Variants in PC observed in about 807,000 individuals in gnomAD.
PC encodes the protein pyruvate carboxylase, mitochondrial.
In PC, 46 loss-of-function variants were observed where a neutral mutation model predicts 107.8. The ratio of observed to expected loss-of-function variants is 0.43; its 90% CI spans 0.34 to 0.55. The LOEUF (loss-of-function observed/expected upper bound fraction) is 0.55, where lower values mean the gene tolerates loss of function less well. PC is among the 20% of genes least tolerant of loss of function. The pLI is 0.04. For synonymous variants in PC, 662 were observed against 684.7 expected, an observed-to-expected ratio of 0.97 and a Z score of 0.52; for missense variants, 1,241 against 1,643.1, an observed-to-expected ratio of 0.76 and a Z score of 4.23.
At position 66,871,932 on chromosome 11, in the gene PC, T is replaced by C; in HGVS notation, c.137-61A>G. 6.3e-7 allele frequency: 1 copy of C among 1,578,868 alleles called. No homozygotes were observed. The highest frequency in any genetic ancestry group is 1.4e-5 in the African/African-American group (1 of 74,028). On this transcript the variant is annotated intron_variant, in intron 4 of 22. Coordinates refer to ENST00000393960, the MANE Select transcript of PC (RefSeq NM_001040716.2). This position sits in a 1 kb window ranked among gnomAD's most constrained non-coding sequence, Gnocchi z 7.4. The stretch of plus-strand genomic sequence containing the variant: ...GTCCTAGGAGAAGCAGAAAGGGGAG[T>C]GGGAAGCCAGGGCCTGGGGCAGTGA...
At chr11:66,879,652 G>A (rs1947113892) in intron 3 of PC, among the ~76,000 whole-genome samples, 1 of 152,258 alleles carries the variant, frequency 6.6e-6, no homozygotes, top group Non-Finnish European at 1.5e-5. Flanking sequence ...CTGAGGCCTA[G>A]AAGCTGGCAT....
chr11:66,878,070 G>A (rs754052706), intron 3 of PC, among the ~76,000 whole-genome samples: 2 of 152,096 alleles, frequency 1.3e-5, no homozygotes, highest in African/African-American at 2.4e-5. Flanking sequence ...AAAGGCGAAG[G>A]GAGCTCCTGC....
intron 3 of PC, among the ~76,000 whole-genome samples, chr11:66,908,285 G>A (rs193111905): frequency 6.6e-6 from 1 of 152,060 alleles, no homozygotes; most frequent in Non-Finnish European, 1.5e-5. Flanking sequence ...CCTTCCTGCC[G>A]AGACCTCACT....
chr11:66,929,505 C>G (rs1359534730), intron 3 of PC, among the ~76,000 whole-genome samples: 1 of 151,934 alleles, frequency 6.6e-6, no homozygotes, highest in Non-Finnish European at 1.5e-5. Context: ...TAGCTGGGAC[C>G]ACAGGTGTAT....
intron 3 of PC, among the ~76,000 whole-genome samples, chr11:66,951,912 A>C (rs1463079374): frequency 6.6e-6 from 1 of 151,924 alleles, no homozygotes; most frequent in Non-Finnish European, 1.5e-5. Context: ...AAAAAAAAAA[A>C]CTTAGCCAGG....
intron 3 of PC, among the ~76,000 whole-genome samples, chr11:66,912,312 G>A (rs565116152): frequency 6.6e-6 from 1 of 152,202 alleles, no homozygotes; most frequent in Non-Finnish European, 1.5e-5. Flanking sequence ...AAATCCTTTT[G>A]ACTCACAGAC....
intron 3 of PC, among the ~76,000 whole-genome samples, chr11:66,910,258 T>C (rs913241818): frequency 1.3e-5 from 2 of 151,650 alleles, no homozygotes; most frequent in Non-Finnish European, 2.9e-5. Context: ...GGAGAACGAG[T>C]CGCTCTGTGC....
At chr11:66,873,462 A>G (rs1170415939) in intron 3 of PC, among the ~76,000 whole-genome samples, 1 of 84,224 alleles carries the variant, frequency 1.2e-5, no homozygotes, top group Non-Finnish European at 2.2e-5. Flanking sequence ...TAAAATATAT[A>G]TTATATATAA....
At chr11:66,940,154 T>C (rs1190940547) in intron 3 of PC, among the ~76,000 whole-genome samples, 1 of 151,572 alleles carries the variant, frequency 6.6e-6, no homozygotes, top group Non-Finnish European at 1.5e-5. Flanking sequence ...AAATCATGTA[T>C]CTGATAAGGG....
At chr11:66,948,575 C>CA (rs1949361281) in intron 3 of PC, among the ~76,000 whole-genome samples, 1 of 152,192 alleles carries the variant, frequency 6.6e-6, no homozygotes, top group African/African-American at 2.4e-5. Context: ...TAAAATGTAT[C>CA]ACGCCTGTAA....
chr11:66,886,113 G>A (rs370426659), intron 3 of PC, among the ~76,000 whole-genome samples: 6 of 151,998 alleles, frequency 3.9e-5, no homozygotes, highest in African/African-American at 2.4e-5. Flanking sequence ...CCACGCCTGC[G>A]TGGAGAGCAG....
At chr11:66,898,629 G>A (rs369028231) in intron 3 of PC, among the ~76,000 whole-genome samples, 18 of 152,280 alleles carry the variant, frequency 1.2e-4, no homozygotes, top group Admixed American at 7.2e-4. Context: ...GCAGTAAGCC[G>A]AGATTGCGCC....
chr11:66,850,881 C>T lies in PC; in HGVS notation c.2266G>A (p.Val756Ile). The T allele has an allele frequency of 6.2e-7, 1 of 1,611,102 alleles. No individual in the cohort carries two copies. Among genetic ancestry groups the T allele is most frequent in the Non-Finnish European group, 8.5e-7 (1 of 1,179,988 alleles). Residue 756 changes from valine to isoleucine, a missense_variant, in exon 18 of 23, where the codon GTC becomes ATC. This residue lies in a region of PC where 1,143 missense variants were observed against 1,551.9 expected (regional missense o/e 0.74). Coordinates refer to ENST00000393960, the MANE Select transcript of PC (RefSeq NM_001040716.2). ...LLKPTACTML[V>I]SSLRDRFPDL... Reference sequence around the variant, plus strand: ...GGGAAGCGGTCCCGGAGGGAGCTGACCAGCATGGTGCAGGCCGTGGGCTTC... The same window carrying T: ...GGGAAGCGGTCCCGGAGGGAGCTGATCAGCATGGTGCAGGCCGTGGGCTTC...
chr11:66,866,089 ACTGCCGGG>A lies in PC; in HGVS notation c.1185+90_1185+97del. On this transcript the variant is annotated intron_variant, in intron 11 of 22. Coordinates refer to ENST00000393960, the MANE Select transcript of PC (RefSeq NM_001040716.2). The surrounding 1 kb of genome is among the most constrained non-coding windows in gnomAD (Gnocchi z 5.4). ...AGAGCCCACATGCGGGTCCTCCCTA[ACTGCCGGG>A]CTGTGGCAACTTGGCACTGCAGCCC... The A allele has an allele frequency of 7.2e-7, 1 of 1,381,616 alleles. No individual in the cohort carries two copies. Among genetic ancestry groups the A allele is most frequent in the Non-Finnish European group, 1.0e-6 (1 of 999,264 alleles). 85.6% of individuals were successfully genotyped at this position (1,381,616 alleles called of 1,614,324 possible). A position where few individuals can be genotyped will look rare whatever the true frequency, so the allele number is the denominator to read the frequency against.
intron 3 of PC, among the ~76,000 whole-genome samples, chr11:66,943,365 T>C (rs987036681): frequency 2.0e-5 from 3 of 152,176 alleles, no homozygotes; most frequent in South Asian, 2.1e-4. Flanking sequence ...CAGCATGATT[T>C]GTGAGGAACA....
At position 66,871,165 on chromosome 11, in the gene PC, T is replaced by TGGGGGCATCTGTGCC; in HGVS notation, c.505_519dup (p.Gly169_Pro173dup). ...TCGTGGGCCTCATGCAGGGACGTGA[T>TGGGGGCATCTGTGCC]GGGGGCATCTGTGCCAGGGACAACG... On this transcript the variant is annotated inframe_insertion, in exon 7 of 23. Coordinates refer to ENST00000393960, the MANE Select transcript of PC (RefSeq NM_001040716.2). The surrounding 1 kb of genome is among the most constrained non-coding windows in gnomAD (Gnocchi z 7.4). 1 of 1,613,634 alleles carries TGGGGGCATCTGTGCC rather than the reference T, an allele frequency of 6.2e-7. No homozygotes were observed. The highest frequency in any genetic ancestry group is 8.5e-7 in the Non-Finnish European group (1 of 1,179,716).
chr11:66,864,533 C>CTTCCT (rs753180109), intron 11 of PC, among the ~76,000 whole-genome samples: 94 of 152,358 alleles, frequency 6.2e-4, no homozygotes, highest in Non-Finnish European at 1.0e-3. Context: ...CCCATGCTCC[C>CTTCCT]TTCCTTTCCT....
chr11:66,914,438 G>A (rs1480164037), intron 3 of PC, among the ~76,000 whole-genome samples: 1 of 151,848 alleles, frequency 6.6e-6, no homozygotes, highest in Non-Finnish European at 1.5e-5. Context: ...TTGAACCTGG[G>A]AGGCAGAGTT....
chr11:66,859,872 G>A, intron 12 of PC: 1 of 1,564,220 alleles, frequency 6.4e-7, no homozygotes, highest in South Asian at 1.2e-5. Context: ...GCTGGTGGCT[G>A]CCTTACTGGT....
Sources: gnomAD v4.1 joint callset for allele counts (sites outside exome capture counted in the v4.1 genomes callset) on GRCh38, gnomAD v4.1.1 for gene constraint, gnomAD v4.1.1 regional missense constraint, Gnocchi (gnomAD v3.1) non-coding constraint, MANE v1.5 for transcripts, NCBI Gene and HGNC (gene_info 2026-07-23, HGNC 2026-07-21) for gene names.